TEAD1: variants seen among roughly 807,000 people sequenced by gnomAD.
The protein encoded by TEAD1 is transcriptional enhancer factor TEF-1.
In TEAD1, 9 loss-of-function variants were observed where a neutral mutation model predicts 54.9. The ratio of observed to expected loss-of-function variants is 0.16; its 90% CI spans 0.10 to 0.29. The LOEUF is 0.29. Ranked by LOEUF, TEAD1 falls within the 10% of genes least tolerant of loss-of-function variation. TEAD1 has a pLI of 1.00. For missense variants in TEAD1, 387 were observed against 535.9 expected (o/e 0.72, Z 2.74); for synonymous variants, 200 against 187.8 (o/e 1.07, Z -0.53).
intron 2 of TEAD1, among the ~76,000 whole-genome samples, chr11:12,694,923 A>T (rs540707984): frequency 8.5e-5 from 13 of 152,324 alleles, no homozygotes; most frequent in African/African-American, 3.1e-4. Flanking sequence ...AAAATTTGAG[A>T]TGATGAGCAG....
intron 12 of TEAD1, among the ~76,000 whole-genome samples, chr11:12,934,019 C>G (rs959522070): frequency 6.6e-6 from 1 of 152,182 alleles, no homozygotes; most frequent in Non-Finnish European, 1.5e-5. Context: ...CAATTTGACC[C>G]AGCCATCCCA....
chr11:12,713,643 G>A (rs553876957), intron 2 of TEAD1, among the ~76,000 whole-genome samples: 2 of 152,230 alleles, frequency 1.3e-5, no homozygotes, highest in South Asian at 4.1e-4. Flanking sequence ...CTAGCTGGAG[G>A]GTACAACCCA....
At chr11:12,832,995 A>T (rs1946813424) in intron 3 of TEAD1, among the ~76,000 whole-genome samples, 1 of 152,244 alleles carries the variant, frequency 6.6e-6, no homozygotes, top group Non-Finnish European at 1.5e-5. Context: ...TGTCCAAGTC[A>T]ATTGTGATTC....
At chr11:12,884,529 G>C (rs898890015) in intron 9 of TEAD1, among the ~76,000 whole-genome samples, 5 of 152,188 alleles carry the variant, frequency 3.3e-5, no homozygotes, top group Non-Finnish European at 7.3e-5. Flanking sequence ...TTGCACTTCA[G>C]CTTGAGGGAA....
chr11:12,891,027 A>G (rs1272844802), intron 9 of TEAD1, among the ~76,000 whole-genome samples: 1 of 152,194 alleles, frequency 6.6e-6, no homozygotes, highest in Non-Finnish European at 1.5e-5. Flanking sequence ...AGCCTCCCAA[A>G]GTGCTGGGAT....
At chr11:12,882,285 T>C (rs147962259) in intron 8 of TEAD1, among the ~76,000 whole-genome samples, 143 of 152,172 alleles carry the variant, frequency 9.4e-4, no homozygotes, top group African/African-American at 3.1e-3. Flanking sequence ...AGTCTAAGTC[T>C]CAAGGCCAGA....
intron 2 of TEAD1, among the ~76,000 whole-genome samples, chr11:12,716,348 G>A (rs190698452): frequency 8.3e-4 from 127 of 152,158 alleles, no homozygotes; most frequent in Admixed American, 1.6e-3. Flanking sequence ...GGGGGTTCCT[G>A]CAGCCCTTGG....
intron 3 of TEAD1, among the ~76,000 whole-genome samples, chr11:12,821,686 TA>T (rs1175765191): frequency 1.3e-5 from 2 of 152,098 alleles, no homozygotes; most frequent in South Asian, 2.1e-4. Flanking sequence ...AATGGGTTTA[TA>T]AAAAAATGCC....
At chr11:12,928,999 G>C (rs1036006186) in intron 11 of TEAD1, among the ~76,000 whole-genome samples, 1 of 152,098 alleles carries the variant, frequency 6.6e-6, no homozygotes, top group African/African-American at 2.4e-5. Flanking sequence ...TATCACTTGT[G>C]GCCTCCACCT....
chr11:12,682,657 T>C (rs909782698), intron 2 of TEAD1, among the ~76,000 whole-genome samples: 2 of 152,162 alleles, frequency 1.3e-5, no homozygotes, highest in African/African-American at 2.4e-5. Flanking sequence ...TGCTCCTGGT[T>C]TTCACGGAGC....
intron 2 of TEAD1, among the ~76,000 whole-genome samples, chr11:12,686,448 C>T (rs2133818034): frequency 6.6e-6 from 1 of 152,242 alleles, no homozygotes; most frequent in African/African-American, 2.4e-5. Context: ...TGGATGCACT[C>T]ATAAGTATTT....
intron 2 of TEAD1, among the ~76,000 whole-genome samples, chr11:12,722,850 G>C (rs556890653): frequency 6.6e-6 from 1 of 152,120 alleles, no homozygotes; most frequent in East Asian, 1.9e-4. Flanking sequence ...GCTCTTTTCA[G>C]TAAACCTTAA....
chr11:12,856,449 A>G (rs190415176), intron 3 of TEAD1, among the ~76,000 whole-genome samples: 1 of 152,232 alleles, frequency 6.6e-6, no homozygotes, highest in East Asian at 1.9e-4. Context: ...TTCATGAAGG[A>G]TGAGGCCTTG....
chr11:12,707,223 C>A (rs1162429222), intron 2 of TEAD1, among the ~76,000 whole-genome samples: 1 of 147,130 alleles, frequency 6.8e-6, no homozygotes, highest in East Asian at 2.0e-4. Flanking sequence ...TATAGAGGAA[C>A]GCAGTTGATG....
At chr11:12,783,849 G>C (rs1368548775) in intron 3 of TEAD1, among the ~76,000 whole-genome samples, 6 of 152,218 alleles carry the variant, frequency 3.9e-5, no homozygotes, top group Admixed American at 3.9e-4. Context: ...TAAGCTGAGA[G>C]GTTACGGGAG....
chr11:12,931,557 T>C (rs1320480373), intron 12 of TEAD1, among the ~76,000 whole-genome samples: 1 of 152,188 alleles, frequency 6.6e-6, no homozygotes, highest in Non-Finnish European at 1.5e-5. Context: ...ATCAGCAGTG[T>C]TCTGTTTTTT....
intron 3 of TEAD1, among the ~76,000 whole-genome samples, chr11:12,778,665 C>T (rs1377449841): frequency 6.6e-6 from 1 of 151,816 alleles, no homozygotes; most frequent in Non-Finnish European, 1.5e-5. Context: ...ATTAGGCCCC[C>T]AAAAAATGTT....
intron 5 of TEAD1, among the ~76,000 whole-genome samples, chr11:12,877,669 AAAG>A (rs920358953): frequency 1.6e-4 from 25 of 152,034 alleles, no homozygotes; most frequent in Non-Finnish European, 2.9e-4. Flanking sequence ...CAAAAAAAAA[AAAG>A]AAGAAATTAA....
chr11:12,790,580 G>T (rs1945778644), intron 3 of TEAD1, among the ~76,000 whole-genome samples: 2 of 152,170 alleles, frequency 1.3e-5, no homozygotes, highest in East Asian at 3.8e-4. Context: ...ATTTCCCCAG[G>T]TTCATCTCCC....
Sources: gnomAD v4.1 joint callset for allele counts (sites outside exome capture counted in the v4.1 genomes callset) on GRCh38, gnomAD v4.1.1 for gene constraint, MANE v1.5 for transcripts, NCBI Gene and HGNC (gene_info 2026-07-23, HGNC 2026-07-21) for gene names.